Variants in ERO1B observed in about 807,000 individuals in gnomAD.
ERO1B encodes the protein endoplasmic reticulum oxidoreductase 1 beta, also known as ERO1-like protein beta.
Under a neutral mutation model 75.3 loss-of-function variants are expected in ERO1B, and 49 were observed. That is an observed-to-expected ratio of 0.65 (90% CI 0.52 to 0.83). ERO1B has a LOEUF of 0.83. Among genes scored for constraint, ERO1B ranks in the 40% least tolerant of loss-of-function variants. The pLI, the probability that ERO1B is intolerant of heterozygous loss-of-function variation, is 0.00. For synonymous variants in ERO1B, 191 were observed against 192.9 expected (o/e 0.99, Z 0.08); for missense variants, 512 against 560.1 (o/e 0.91, Z 0.87).
chr1:236,215,232 A>G lies in ERO1B; in HGVS notation c.*3284T>C, dbSNP rs1385132399. On this transcript the variant is annotated 3_prime_UTR_variant, in exon 16 of 16. Transcript: ENST00000354619. ...TCTAGAATCAGTCTTTCTCGTCTCA[A>G]ATTCTTGCTCCACAACCTAGAATTT... 6.6e-6 allele frequency among the ~76,000 whole-genome samples: 1 copy of G among 152,160 alleles called. No individual in the cohort carries two copies. The highest frequency in any genetic ancestry group is 1.5e-5 in the Non-Finnish European group (1 of 68,032).
Position 236,255,273 on chromosome 1 carries a change from T to C in ERO1B, c.223-1768A>G, listed in dbSNP as rs1022566280. The stretch of plus-strand genomic sequence containing the variant: ...TTTGCTGTCCTCTCTGCCTGTATTA[T>C]TGCTCCTCCAGATCTTATGACGGCT... On this transcript the variant is annotated intron_variant, in intron 2 of 15. Coordinates refer to ENST00000354619, the MANE Select transcript of ERO1B (RefSeq NM_019891.4). 8.6e-5 allele frequency among the ~76,000 whole-genome samples: 13 copies of C among 152,036 alleles called. No homozygotes were observed. In the East Asian group the frequency reaches 2.1e-3, roughly 25 times the overall value.
At chr1:236,272,713 C>T (rs988856278) in intron 1 of ERO1B, among the ~76,000 whole-genome samples, 10 of 152,176 alleles carry the variant, frequency 6.6e-5, no homozygotes, top group African/African-American at 2.4e-4. Flanking sequence ...CCTCCCTCTC[C>T]CTAAAGGTAG....
intron 2 of ERO1B, among the ~76,000 whole-genome samples, chr1:236,256,449 G>C (rs1287089112): frequency 6.6e-6 from 1 of 151,898 alleles, no homozygotes; most frequent in Non-Finnish European, 1.5e-5. Context: ...CTGCCACCAC[G>C]AATGGAAGGG....
chr1:236,236,005 A>G (rs1240823848), intron 7 of ERO1B, among the ~76,000 whole-genome samples, 170 bp from the exon 8 acceptor site: 2 of 151,858 alleles, frequency 1.3e-5, no homozygotes, highest in Non-Finnish European at 2.9e-5. Flanking sequence ...GCTCATTGTA[A>G]CCTCTGCCTC....
chr1:236,221,099 TAC>T (rs925153551), intron 14 of ERO1B, 134 bp from the exon 15 acceptor site: 5 of 630,774 alleles, frequency 7.9e-6, no homozygotes, highest in African/African-American at 5.7e-5. Context: ...AAAATATTAC[TAC>T]AGTTTCTACT....
chr1:236,276,948 T>A (rs1265186565), intron 1 of ERO1B, among the ~76,000 whole-genome samples: 1 of 152,176 alleles, frequency 6.6e-6, no homozygotes, highest in African/African-American at 2.4e-5. Flanking sequence ...GTTCTCCTGA[T>A]AGTGAGCTCT....
chr1:236,250,601 A>ATTATATATATATATATATATATATATAT (rs1553372699), intron 4 of ERO1B, among the ~76,000 whole-genome samples: 1 of 63,948 alleles, frequency 1.6e-5, no homozygotes, highest in African/African-American at 5.6e-5. Context: ...ATATATATAT[A>ATTATATATATATATATATATATATATAT]TATATATATA....
chr1:236,265,876 C>T (rs1005274539), intron 2 of ERO1B, among the ~76,000 whole-genome samples: 2 of 152,150 alleles, frequency 1.3e-5, no homozygotes, highest in African/African-American at 4.8e-5. Flanking sequence ...TTCCCCAAAC[C>T]TTCTCATGGC....
intron 6 of ERO1B, among the ~76,000 whole-genome samples, chr1:236,239,803 ATATGTGTG>A (rs1664638710): frequency 1.4e-5 from 2 of 138,422 alleles, no homozygotes; most frequent in African/African-American, 5.3e-5. Context: ...ATATATATAT[ATATGTGTG>A]TATATATATA....
intron 2 of ERO1B, among the ~76,000 whole-genome samples, chr1:236,265,708 G>C (rs554421598): frequency 2.0e-5 from 3 of 151,988 alleles, no homozygotes; most frequent in African/African-American, 7.3e-5. Context: ...TGGTCAATAC[G>C]GTCCTACTGT....
chr1:236,250,004 C>G (rs1664977706), intron 4 of ERO1B, 37 bp from the exon 5 acceptor site: 2 of 1,390,970 alleles, frequency 1.4e-6, no homozygotes, highest in African/African-American at 2.9e-5. Context: ...AAAATTATTA[C>G]CTTATTCTTT....
At chr1:236,225,166 G>T in intron 12 of ERO1B, 27 bp from the exon 13 acceptor site, 1 of 1,607,360 alleles carries the variant, frequency 6.2e-7, no homozygotes, top group Non-Finnish European at 8.5e-7. Flanking sequence ...ATTGGATTAA[G>T]TTACACATGA....
chr1:236,233,123 A>AGTTGAG (rs1227919951), intron 8 of ERO1B, among the ~76,000 whole-genome samples: 1 of 151,948 alleles, frequency 6.6e-6, no homozygotes, highest in Non-Finnish European at 1.5e-5. Context: ...CAGCCTGGCC[A>AGTTGAG]ACATGTGAAA....
intron 5 of ERO1B, among the ~76,000 whole-genome samples, chr1:236,247,559 G>C (rs1054552801): frequency 1.3e-5 from 2 of 152,068 alleles, no homozygotes; most frequent in Admixed American, 6.6e-5. Context: ...ACGTAATAAG[G>C]CTTCTGCAAC....
chr1:236,250,052 C>T (rs1232231758), intron 4 of ERO1B, 85 bp from the exon 5 acceptor site: 1 of 795,218 alleles, frequency 1.3e-6, no homozygotes, highest in East Asian at 2.8e-5. Context: ...AATCTGTCAA[C>T]AATGATATAC....
At chr1:236,240,439 A>G (rs1427274639) in intron 6 of ERO1B, among the ~76,000 whole-genome samples, 2 of 152,168 alleles carry the variant, frequency 1.3e-5, no homozygotes, top group African/African-American at 4.8e-5. Context: ...AAAGCCCTCC[A>G]TCACCAACCC....
intron 3 of ERO1B, among the ~76,000 whole-genome samples, chr1:236,252,680 T>C (rs1161532589): frequency 6.6e-6 from 1 of 152,158 alleles, no homozygotes; most frequent in Non-Finnish European, 1.5e-5. Context: ...TTACAACCAG[T>C]TTATCAAACA....
intron 6 of ERO1B, among the ~76,000 whole-genome samples, chr1:236,239,253 G>T (rs895531693): frequency 1.3e-5 from 2 of 152,080 alleles, no homozygotes; most frequent in Admixed American, 1.3e-4. Flanking sequence ...GCAAACTACA[G>T]CTTGTGTGCC....
chr1:236,222,703 G>T lies in ERO1B; in HGVS notation c.1123-693C>A, dbSNP rs1010993857. 9.2e-5 allele frequency among the ~76,000 whole-genome samples: 14 copies of T among 152,140 alleles called. No individual in the cohort carries two copies. In the East Asian group the frequency reaches 2.7e-3, roughly 29 times the overall value. On this transcript the variant is annotated intron_variant, in intron 13 of 15. Transcript: ENST00000354619. Reference sequence around the variant, plus strand: ...ATGTTTCACTTATTTTTGATCCTTTGCTTTGTGTAAGCCTATATCAGAAAG... The same window carrying T: ...ATGTTTCACTTATTTTTGATCCTTTTCTTTGTGTAAGCCTATATCAGAAAG...
Sources: allele counts gnomAD v4.1 joint callset (sites outside exome capture counted in the v4.1 genomes callset), GRCh38; gene constraint gnomAD v4.1.1; transcripts MANE v1.5; gene names NCBI Gene and HGNC (gene_info 2026-07-23, HGNC 2026-07-21).